LINGO2: variants seen among roughly 807,000 people sequenced by gnomAD.
LINGO2 encodes the protein leucine rich repeat and Ig domain containing 2, also known as leucine-rich repeat and immunoglobulin-like domain-containing nogo receptor-interacting protein 2.
In LINGO2, 14 loss-of-function variants were observed where a neutral mutation model predicts 30.6. The observed-to-expected ratio is 0.46, with a 90% CI of 0.30 to 0.72. The LOEUF (loss-of-function observed/expected upper bound fraction) is 0.72, where lower values mean the gene tolerates loss of function less well. Among genes scored for constraint, LINGO2 ranks in the 30% least tolerant of loss-of-function variants. The pLI is 0.07. For missense variants in LINGO2, 729 were observed against 751.7 expected (o/e 0.97, Z 0.35); for synonymous variants, 317 against 288.5 (o/e 1.10, Z -1.00).
rs1364134154 is a variant in LINGO2 at position 28,506,483 on chromosome 9, C to CATATATGT, written c.-364-30459_-364-30458insACATATAT. ...ACACATACACACACACACACACATA[C>CATATATGT]ACATACACACACACACACAGACATA... is the stretch of plus-strand genomic sequence containing the variant. On this transcript the variant is annotated intron_variant, in intron 1 of 5. Transcript: ENST00000379992. Among the ~76,000 whole-genome samples the CATATATGT allele has an allele frequency of 2.9e-4, 7 of 24,000 alleles. No homozygotes were observed. The East Asian group carries it at 9.6e-3, about 33-fold the overall frequency. The allele number at this position is 24,000 out of a possible 152,430, so 15.7% of individuals were successfully genotyped here. A position where few individuals can be genotyped will look rare whatever the true frequency, so the allele number is the denominator to read the frequency against.
the LINGO2 span, among the ~76,000 whole-genome samples, chr9:28,899,713 T>A: frequency 6.6e-6 from 1 of 152,148 alleles, no homozygotes; most frequent in African/African-American, 2.4e-5. Context: ...CTGGCACACA[T>A]AGCCCCAGGC....
chr9:29,140,749 G>C, the LINGO2 span, among the ~76,000 whole-genome samples: 3 of 151,788 alleles, frequency 2.0e-5, no homozygotes, highest in Non-Finnish European at 4.4e-5. Context: ...ATAAATAAAA[G>C]ATAAAGTGAG....
intron 4 of LINGO2, among the ~76,000 whole-genome samples, chr9:28,088,383 T>A (rs1395553702): frequency 6.6e-6 from 1 of 152,040 alleles, no homozygotes; most frequent in East Asian, 1.9e-4. Context: ...CTTTAGACTC[T>A]GGCCTTCATT....
intron 2 of LINGO2, among the ~76,000 whole-genome samples, chr9:28,439,305 T>C (rs1234041375): frequency 6.6e-6 from 1 of 151,772 alleles, no homozygotes; most frequent in Admixed American, 6.6e-5. Context: ...TATATATATA[T>C]AATGAAAATG....
chr9:29,183,283 T>C, the LINGO2 span, among the ~76,000 whole-genome samples: 1 of 152,032 alleles, frequency 6.6e-6, no homozygotes, highest in Non-Finnish European at 1.5e-5. Flanking sequence ...AATGAAAAAA[T>C]TAACCAGTAA....
chr9:28,421,021 A>G (rs556788316), intron 2 of LINGO2, among the ~76,000 whole-genome samples: 1 of 152,210 alleles, frequency 6.6e-6, no homozygotes, highest in Non-Finnish European at 1.5e-5. Context: ...TCACTTAATA[A>G]TAAGCCATTT....
intron 4 of LINGO2, among the ~76,000 whole-genome samples, chr9:28,023,953 A>T (rs916976853): frequency 1.3e-5 from 2 of 152,154 alleles, no homozygotes; most frequent in Admixed American, 1.3e-4. Flanking sequence ...GCATCTGTCC[A>T]GGGAAGCGAA....
chr9:28,817,779 A>G, the LINGO2 span, among the ~76,000 whole-genome samples: 1 of 152,210 alleles, frequency 6.6e-6, no homozygotes, highest in Non-Finnish European at 1.5e-5. Context: ...ATTTTGGGGA[A>G]GATGAAAAAG....
chr9:28,047,203 G>A (rs1824463306), intron 4 of LINGO2, among the ~76,000 whole-genome samples: 1 of 152,130 alleles, frequency 6.6e-6, no homozygotes. Context: ...CACTTTGTAT[G>A]TAAGTTTCCC....
chr9:28,306,725 A>C (rs1355247701), intron 3 of LINGO2, among the ~76,000 whole-genome samples: 1 of 152,170 alleles, frequency 6.6e-6, no homozygotes, highest in African/African-American at 2.4e-5. Context: ...AAATAGACGC[A>C]ATAAAAAATG....
At chr9:28,961,477 T>G in the LINGO2 span, among the ~76,000 whole-genome samples, 1 of 152,186 alleles carries the variant, frequency 6.6e-6, no homozygotes, top group South Asian at 2.1e-4. Context: ...GACTCATCCA[T>G]ATCCTTTCCT....
At chr9:27,954,856 C>T (rs1469535867) in intron 5 of LINGO2, among the ~76,000 whole-genome samples, 1 of 152,118 alleles carries the variant, frequency 6.6e-6, no homozygotes, top group African/African-American at 2.4e-5. Context: ...TAGTAGTTCA[C>T]ATTTACACCA....
chr9:28,040,450 G>C (rs1824148643), intron 4 of LINGO2, among the ~76,000 whole-genome samples: 1 of 142,088 alleles, frequency 7.0e-6, no homozygotes, highest in Non-Finnish European at 1.5e-5. Flanking sequence ...TTTTTGGACA[G>C]GGATTCACTA....
At chr9:28,688,984 C>A in the LINGO2 span, among the ~76,000 whole-genome samples, 1 of 152,208 alleles carries the variant, frequency 6.6e-6, no homozygotes, top group Non-Finnish European at 1.5e-5. Flanking sequence ...CTTGCAAAAT[C>A]CGTTTCCCTT....
chr9:27,984,076 A>G (rs1280024135), intron 5 of LINGO2, among the ~76,000 whole-genome samples: 1 of 151,880 alleles, frequency 6.6e-6, no homozygotes, highest in Admixed American at 6.6e-5. Context: ...TGTGTGGGGC[A>G]GTGGACTGGG....
chr9:28,134,985 T>C (rs1827475655), intron 4 of LINGO2, among the ~76,000 whole-genome samples: 2 of 152,184 alleles, frequency 1.3e-5, no homozygotes, highest in Non-Finnish European at 2.9e-5. Context: ...CTGCAAAGCC[T>C]AGAAGGCTGC....
intron 4 of LINGO2, among the ~76,000 whole-genome samples, chr9:28,099,532 A>G (rs1386148899): frequency 1.3e-5 from 2 of 152,132 alleles, no homozygotes; most frequent in African/African-American, 2.4e-5. Flanking sequence ...ATAAATTGAT[A>G]CTGTCCAATC....
chr9:28,861,051 G>T, the LINGO2 span, among the ~76,000 whole-genome samples: 234 of 78,634 alleles, frequency 3.0e-3, 1 homozygote, highest in African/African-American at 0.013. Context: ...ATATATAAAT[G>T]TATAATATGT....
At chr9:28,924,952 T>A in the LINGO2 span, among the ~76,000 whole-genome samples, 1 of 152,190 alleles carries the variant, frequency 6.6e-6, no homozygotes, top group African/African-American at 2.4e-5. Context: ...GCCTGGTATG[T>A]CTTTCTTCCT....
Sources: allele counts gnomAD v4.1 joint callset (sites outside exome capture counted in the v4.1 genomes callset), GRCh38; gene constraint gnomAD v4.1.1; transcripts MANE v1.5; gene names NCBI Gene and HGNC (gene_info 2026-07-23, HGNC 2026-07-21).